The following MYT1L variants were observed in gnomAD, a reference collection of about 807,000 sequenced individuals.
The protein encoded by MYT1L is myelin transcription factor 1 like.
MYT1L carries 12 observed loss-of-function variants against 126.7 expected under a neutral mutation model. The ratio of observed to expected loss-of-function variants is 0.09; its 90% CI spans 0.06 to 0.15. MYT1L has a LOEUF of 0.15. MYT1L is among the 10% of genes least tolerant of loss of function. The pLI, the probability that MYT1L is intolerant of heterozygous loss-of-function variation, is 1.00. For missense variants in MYT1L, 979 were observed against 1,585.2 expected (o/e 0.62, Z 6.49); for synonymous variants, 541 against 604.2 (o/e 0.90, Z 1.53).
chr2:2,016,392 T>A (rs929714325), intron 4 of MYT1L, among the ~76,000 whole-genome samples: 9 of 152,222 alleles, frequency 5.9e-5, no homozygotes, highest in African/African-American at 1.2e-4. Context: ...TCCTCCTGCC[T>A]ATTAAGCCAC....
At chr2:1,894,989 C>T (rs776870698) in intron 14 of MYT1L, among the ~76,000 whole-genome samples, 2 of 152,252 alleles carry the variant, frequency 1.3e-5, no homozygotes, top group Non-Finnish European at 2.9e-5. Flanking sequence ...CTGCCATCAA[C>T]GATGTGTTTG....
chr2:2,262,915 A>AATTATAT (rs2095013616), intron 2 of MYT1L, among the ~76,000 whole-genome samples: 1 of 62,490 alleles, frequency 1.6e-5, no homozygotes, highest in African/African-American at 6.8e-5. Flanking sequence ...GAGAGGCACA[A>AATTATAT]ATATATATAT....
chr2:1,997,655 T>C (rs2061985217), intron 4 of MYT1L, among the ~76,000 whole-genome samples: 1 of 152,188 alleles, frequency 6.6e-6, no homozygotes, highest in Non-Finnish European at 1.5e-5. Context: ...TTCCATGAGC[T>C]CCCAGTTCCT....
rs144817812 is a variant in MYT1L, at chr2:1,813,062, A to G, written c.3081-3895T>C. Among the ~76,000 whole-genome samples, 40 of 152,130 alleles carry G rather than the reference A, an allele frequency of 2.6e-4. No homozygotes were observed. The East Asian group carries it at 6.0e-3, about 23-fold the overall frequency. ...CAGTATGATCCTCACAAATGCAGGG[A>G]GCAGCTCCCATCTTTCCCCCGCTGA... On this transcript the variant is annotated intron_variant, in intron 21 of 24. Coordinates refer to ENST00000647738, the MANE Select transcript of MYT1L (RefSeq NM_001303052.2).
In MYT1L at chr2:1,906,252, T is replaced by G. The variant is rs956717791; in HGVS notation, c.1818-2958A>C. On this transcript the variant is annotated intron_variant, in intron 13 of 24. Transcript: ENST00000647738. ...GAATCTTACACTTTTACATATTTTATGCTTCCATTTTACATGAGATTTAAT... is the reference window on the plus strand; with the variant it reads ...GAATCTTACACTTTTACATATTTTAGGCTTCCATTTTACATGAGATTTAAT... 3.9e-5 allele frequency among the ~76,000 whole-genome samples: 6 copies of G among 152,236 alleles called. No individual in the cohort carries two copies. The East Asian group carries it at 1.2e-3, about 29-fold the overall frequency.
intron 1 of MYT1L, chr2:2,325,680 C>T (rs1018428672): frequency 1.3e-5 from 2 of 152,256 alleles, no homozygotes; most frequent in Admixed American, 6.5e-5. Flanking sequence ...TACGTTAAAT[C>T]ATAAAGGCTA....
In MYT1L at chr2:1,917,467, A is replaced by C; in HGVS notation, c.1484-128T>G. ...CAGGTGTCGGGGGCTAGGCTGTGAC[A>C]TCAGACTTTTGCTTAGATAGTTCTT... On this transcript the variant is annotated intron_variant, in intron 10 of 24. Coordinates refer to ENST00000647738, the MANE Select transcript of MYT1L (RefSeq NM_001303052.2). This position sits in a 1 kb window ranked among gnomAD's most constrained non-coding sequence, Gnocchi z 5.9. 4.5e-6 allele frequency: 5 copies of C among 1,121,072 alleles called. No individual in the cohort carries two copies. Among genetic ancestry groups the C allele is most frequent in the Non-Finnish European group, 6.3e-6 (5 of 788,838 alleles). The allele number at this position is 1,121,072 out of a possible 1,614,324, so 69.4% of individuals were successfully genotyped here.
At chr2:2,156,764 T>C (rs1367626270) in intron 3 of MYT1L, among the ~76,000 whole-genome samples, 2 of 152,118 alleles carry the variant, frequency 1.3e-5, no homozygotes, top group Non-Finnish European at 2.9e-5. Flanking sequence ...ACACCTGACA[T>C]CACAAGAGGG....
At chr2:1,934,291 C>CATATATAT (rs71276815) in intron 9 of MYT1L, among the ~76,000 whole-genome samples, 24,191 of 123,190 alleles carry the variant, frequency 0.2, 3,116 homozygotes, top group East Asian at 0.37. Context: ...ATTTTTATAA[C>CATATATAT]ATATATATAT....
chr2:2,326,731 G>A (rs2149733620), intron 1 of MYT1L: 1 of 152,216 alleles, frequency 6.6e-6, no homozygotes, highest in African/African-American at 2.4e-5. Context: ...ATAACACCTG[G>A]CTTACATTTT....
At chr2:2,074,670 G>A (rs992580085) in intron 3 of MYT1L, among the ~76,000 whole-genome samples, 4 of 152,180 alleles carry the variant, frequency 2.6e-5, no homozygotes, top group East Asian at 1.9e-4. Flanking sequence ...AGGTGGACAT[G>A]AGCTAAAATG....
chr2:2,317,001 T>G (rs1405107712), intron 1 of MYT1L, among the ~76,000 whole-genome samples: 1 of 151,480 alleles, frequency 6.6e-6, no homozygotes, highest in African/African-American at 2.4e-5. Flanking sequence ...GGATTTTTAA[T>G]AGAGACGGAG....
chr2:2,080,181 AAAGG>A (rs1196391922), intron 3 of MYT1L, among the ~76,000 whole-genome samples: 4 of 152,244 alleles, frequency 2.6e-5, no homozygotes, highest in Non-Finnish European at 5.9e-5. Flanking sequence ...AAAATGTATC[AAAGG>A]CCTAAATGTA....
Position 2,228,101 on chromosome 2 carries a change from A to G in MYT1L, c.-420-55113T>C, listed in dbSNP as rs536169095. On this transcript the variant is annotated intron_variant, in intron 2 of 24. Transcript: ENST00000647738. This position sits in a 1 kb window ranked among gnomAD's most constrained non-coding sequence, Gnocchi z 5.9. ...ATATAAGTTTGTTGATGTTCAGACCATGTATATCTCTATGCAAGGATTACA... is the reference window on the plus strand; with the variant it reads ...ATATAAGTTTGTTGATGTTCAGACCGTGTATATCTCTATGCAAGGATTACA... Among the ~76,000 whole-genome samples, 3 of 152,370 alleles carry G rather than the reference A, an allele frequency of 2.0e-5. No individual in the cohort carries two copies. The highest frequency in any genetic ancestry group is 1.5e-5 in the Non-Finnish European group (1 of 68,040).
At chr2:1,974,189 G>T (rs2060009547) in intron 8 of MYT1L, among the ~76,000 whole-genome samples, 1 of 152,292 alleles carries the variant, frequency 6.6e-6, no homozygotes, top group South Asian at 2.1e-4. Flanking sequence ...ACTCACTTAG[G>T]ATGACTGAGG....
chr2:1,911,922 G>T, intron 12 of MYT1L, 98 bp downstream of exon 12: 1 of 900,298 alleles, frequency 1.1e-6, no homozygotes, highest in Non-Finnish European at 1.6e-6. Context: ...GAGCACGGTG[G>T]GGAGCACCAT....
intron 8 of MYT1L, among the ~76,000 whole-genome samples, chr2:1,949,586 G>A (rs2057556191): frequency 2.0e-5 from 3 of 152,146 alleles, no homozygotes; most frequent in African/African-American, 4.8e-5. Flanking sequence ...GTGCATTCTC[G>A]CACTTCCATG....
Position 1,979,259 on chromosome 2 carries a change from CGCAG to C in MYT1L, c.90-36_90-33del. On this transcript the variant is annotated intron_variant, in intron 7 of 24. Coordinates refer to ENST00000647738, the MANE Select transcript of MYT1L (RefSeq NM_001303052.2). The surrounding 1 kb of genome is among the most constrained non-coding windows in gnomAD (Gnocchi z 4.0). ...CAGGAAAGAATGGATTACACGGTGCCGCAGGCAGGCAGGTGAGACGGAAAGCTTC... is the reference window on the plus strand; with the variant it reads ...CAGGAAAGAATGGATTACACGGTGCCGCAGGCAGGTGAGACGGAAAGCTTC... The C allele has an allele frequency of 3.1e-6, 5 of 1,598,192 alleles. No individual in the cohort carries two copies. The highest frequency in any genetic ancestry group is 8.6e-7 in the Non-Finnish European group (1 of 1,166,954).
At position 2,293,470 on chromosome 2, in the gene MYT1L, C is replaced by A. The variant is rs546496001; in HGVS notation, c.-520-8967G>T. On this transcript the variant is annotated intron_variant, in intron 1 of 24. Coordinates refer to ENST00000647738, the MANE Select transcript of MYT1L (RefSeq NM_001303052.2). ...TAGAGGCAGATCTGCAGGAGCAGGGCGTGGAGGGTGATGGTGAGCACTGTT... is the reference window on the plus strand; with the variant it reads ...TAGAGGCAGATCTGCAGGAGCAGGGAGTGGAGGGTGATGGTGAGCACTGTT... Among the ~76,000 whole-genome samples the A allele has an allele frequency of 4.6e-5, 7 of 152,266 alleles. No homozygotes were observed. In the South Asian group the frequency reaches 8.3e-4, roughly 18 times the overall value.
Sources: gnomAD v4.1 joint callset for allele counts (sites outside exome capture counted in the v4.1 genomes callset) on GRCh38, gnomAD v4.1.1 for gene constraint, Gnocchi (gnomAD v3.1) non-coding constraint, MANE v1.5 for transcripts, NCBI Gene and HGNC (gene_info 2026-07-23, HGNC 2026-07-21) for gene names.